RNF4: variants seen among roughly 807,000 people sequenced by gnomAD.
RNF4 encodes the protein ring finger protein 4.
A neutral mutation model predicts 24.3 loss-of-function variants in RNF4; 7 were observed. The observed-to-expected ratio is 0.29, with a 90% CI of 0.16 to 0.54. RNF4 has a LOEUF of 0.54. RNF4 is among the 20% of genes least tolerant of loss of function. The pLI is 0.95. For synonymous variants in RNF4, 83 were observed against 84.3 expected, an observed-to-expected ratio of 0.98 and a Z score of 0.09; for missense variants, 209 against 248.5, an observed-to-expected ratio of 0.84 and a Z score of 1.07.
rs143034786 is a variant in RNF4 at position 2,484,974 on chromosome 4, G to T, written c.-157-5363G>T. Among the ~76,000 whole-genome samples the T allele has an allele frequency of 9.9e-3, 1,503 of 152,260 alleles. 38 individuals carry two copies. Among genetic ancestry groups the T allele is most frequent in the Non-Finnish European group, 8.1e-3 (550 of 68,018 alleles). On this transcript the variant is annotated intron_variant, in intron 1 of 7. Coordinates refer to ENST00000314289, the MANE Select transcript of RNF4 (RefSeq NM_002938.5). ...TCGATGGCCCTGTCCTGAGGGTGTA[G>T]TCAGTGAGGCTTGTTAGGAACCCTC...
chr4:2,490,683 A>C, intron 2 of RNF4, 181 bp downstream of exon 2: 1 of 596,506 alleles, frequency 1.7e-6, no homozygotes, highest in Non-Finnish European at 2.9e-6. Context: ...ATTGAGCTAC[A>C]TTCGAGTCAT....
chr4:2,512,780 A>C lies in RNF4; in HGVS notation c.374+183A>C, dbSNP rs1736304633. ...GTCCAGCTATTCCCACTGTAACCAG[A>C]GGATGCCAAGCGCTGACACAGTGTG... On this transcript the variant is annotated intron_variant, in intron 6 of 7. Transcript: ENST00000314289. The surrounding 1 kb of genome is among the most constrained non-coding windows in gnomAD (Gnocchi z 4.1). Among the ~76,000 whole-genome samples, 1 of 152,196 alleles carries C rather than the reference A, an allele frequency of 6.6e-6. No individual in the cohort carries two copies. Among genetic ancestry groups the C allele is most frequent in the South Asian group, 2.1e-4 (1 of 4,834 alleles).
intron 4 of RNF4, 31 bp downstream of exon 4, chr4:2,500,769 T>C: frequency 6.2e-7 from 1 of 1,607,408 alleles, no homozygotes; most frequent in Non-Finnish European, 8.5e-7. Flanking sequence ...GTCGGCTGTT[T>C]CTTGGGTATG....
chr4:2,490,650 G>A (rs978655335), intron 2 of RNF4, 148 bp downstream of exon 2: 10 of 755,814 alleles, frequency 1.3e-5, no homozygotes, highest in African/African-American at 3.5e-5. Flanking sequence ...CTTTCTGGTG[G>A]TTACATCAGC....
intron 2 of RNF4, among the ~76,000 whole-genome samples, chr4:2,492,836 G>C (rs1437129393): frequency 6.6e-6 from 1 of 152,206 alleles, no homozygotes; most frequent in East Asian, 1.9e-4. Context: ...TGGGGAAATA[G>C]GTGCTTTAAG....
At chr4:2,513,214 C>G in intron 7 of RNF4, 83 bp downstream of exon 7, 1 of 1,335,910 alleles carries the variant, frequency 7.5e-7, no homozygotes, top group South Asian at 1.2e-5. Flanking sequence ...TCTTCCCCCT[C>G]GGTGGGATTG....
At chr4:2,475,694 G>T (rs1173238117) in intron 1 of RNF4, among the ~76,000 whole-genome samples, 1 of 152,104 alleles carries the variant, frequency 6.6e-6, no homozygotes, top group African/African-American at 2.4e-5. Context: ...CTTTTGTCCA[G>T]GCTGGTCTCA....
At chr4:2,509,741 T>A (rs1736213678) in intron 4 of RNF4, among the ~76,000 whole-genome samples, 3 of 152,134 alleles carry the variant, frequency 2.0e-5, no homozygotes, top group Admixed American at 2.0e-4. Flanking sequence ...TGGGTATGAC[T>A]CACAAGAGAC....
At chr4:2,498,253 G>A (rs1483778588) in intron 3 of RNF4, among the ~76,000 whole-genome samples, 1 of 151,952 alleles carries the variant, frequency 6.6e-6, no homozygotes. Context: ...GCGTGATCTC[G>A]GCTCACTGCA....
At chr4:2,507,459 A>T (rs1163125781) in intron 4 of RNF4, among the ~76,000 whole-genome samples, 1 of 152,202 alleles carries the variant, frequency 6.6e-6, no homozygotes, top group African/African-American at 2.4e-5. Flanking sequence ...TAACTGCATG[A>T]TGTGTGTAGC....
intron 1 of RNF4, chr4:2,471,002 G>C (rs542972984): frequency 8.1e-6 from 1 of 124,192 alleles, no homozygotes; most frequent in African/African-American, 3.1e-5. Context: ...ATCTCACTCT[G>C]TCACCCAGGA....
intron 2 of RNF4, 65 bp downstream of exon 2, chr4:2,490,567 G>C: frequency 6.5e-7 from 1 of 1,528,300 alleles, no homozygotes. Context: ...ATTCCTTGTA[G>C]CACATTAGTG....
At chr4:2,477,372 G>A (rs1735110293) in intron 1 of RNF4, among the ~76,000 whole-genome samples, 1 of 152,042 alleles carries the variant, frequency 6.6e-6, no homozygotes, top group Non-Finnish European at 1.5e-5. Flanking sequence ...GGATCACGAG[G>A]TTAGGAGTTC....
intron 2 of RNF4, among the ~76,000 whole-genome samples, chr4:2,495,919 C>G (rs1376147083): frequency 6.6e-6 from 1 of 152,248 alleles, no homozygotes; most frequent in Non-Finnish European, 1.5e-5. Flanking sequence ...GCCTGAGCCA[C>G]TGCGCCTGGC....
intron 4 of RNF4, among the ~76,000 whole-genome samples, chr4:2,501,893 A>C (rs1488162097): frequency 6.6e-6 from 1 of 152,204 alleles, no homozygotes; most frequent in African/African-American, 2.4e-5. Context: ...GGTTATACTG[A>C]GAAGTTTCAA....
At chr4:2,499,971 A>G (rs551612982) in intron 3 of RNF4, among the ~76,000 whole-genome samples, 1 of 152,276 alleles carries the variant, frequency 6.6e-6, no homozygotes, top group East Asian at 1.9e-4. Flanking sequence ...CCTGGCCAAG[A>G]TGGTGAAACC....
At chr4:2,475,027 C>CA (rs1204286243) in intron 1 of RNF4, among the ~76,000 whole-genome samples, 3 of 151,862 alleles carry the variant, frequency 2.0e-5, no homozygotes, top group Non-Finnish European at 4.4e-5. Context: ...AACTCCATCT[C>CA]AAAAAAAGAA....
chr4:2,493,945 C>T (rs1022594733), intron 2 of RNF4, among the ~76,000 whole-genome samples: 8 of 151,506 alleles, frequency 5.3e-5, no homozygotes, highest in East Asian at 4.0e-4. Context: ...CGGGTTCAAG[C>T]GATTCTCCTG....
intron 4 of RNF4, among the ~76,000 whole-genome samples, chr4:2,508,551 C>T (rs952865389): frequency 6.6e-5 from 10 of 152,008 alleles, no homozygotes; most frequent in African/African-American, 2.4e-4. Flanking sequence ...AGGCTGTGGT[C>T]GTTGGTTTTG....
Sources: gnomAD v4.1 joint callset for allele counts (sites outside exome capture counted in the v4.1 genomes callset) on GRCh38, gnomAD v4.1.1 for gene constraint, Gnocchi (gnomAD v3.1) non-coding constraint, MANE v1.5 for transcripts, NCBI Gene and HGNC (gene_info 2026-07-23, HGNC 2026-07-21) for gene names.